Variants in DRG2 observed in about 807,000 individuals in gnomAD.
DRG2 encodes the protein developmentally regulated GTP binding protein 2.
Under a neutral mutation model 53.4 loss-of-function variants are expected in DRG2, and 36 were observed. The ratio of observed to expected loss-of-function variants is 0.67; its 90% CI spans 0.52 to 0.89. DRG2 has a LOEUF of 0.89. Ranked by LOEUF, DRG2 falls within the 40% of genes least tolerant of loss-of-function variation. The pLI is 0.00. For missense variants in DRG2, 342 were observed against 481.2 expected, an observed-to-expected ratio of 0.71 and a Z score of 2.71; for synonymous variants, 167 against 192.1, an observed-to-expected ratio of 0.87 and a Z score of 1.08.
In DRG2 at chr17:18,103,724, C is replaced by A; in HGVS notation, c.807-77C>A. 1.4e-6 allele frequency: 2 copies of A among 1,412,502 alleles called. No homozygotes were observed. Among genetic ancestry groups the A allele is most frequent in the South Asian group, 1.2e-5 (1 of 86,816 alleles). The allele number at this position is 1,412,502 out of a possible 1,614,324, so 87.5% of individuals were successfully genotyped here. On this transcript the variant is annotated intron_variant, in intron 9 of 12. Coordinates refer to ENST00000225729, the MANE Select transcript of DRG2 (RefSeq NM_001388.5). This position sits in a 1 kb window ranked among gnomAD's most constrained non-coding sequence, Gnocchi z 4.4. ...ACCTGGCCAGTGGAGGTTATCCGCTCCAATAGTGAGAAGTGGAGACCCCAG... is the reference window on the plus strand; with the variant it reads ...ACCTGGCCAGTGGAGGTTATCCGCTACAATAGTGAGAAGTGGAGACCCCAG...
intron 2 of DRG2, chr17:18,097,337 G>T (rs1011051820): frequency 2.6e-5 from 4 of 152,258 alleles, no homozygotes; most frequent in Non-Finnish European, 5.9e-5. Context: ...GTCTAAGGGT[G>T]CCTTGGGGAG....
chr17:18,103,891 TGA>T lies in DRG2; in HGVS notation c.895+4_895+5del. The T allele has an allele frequency of 6.2e-7, 1 of 1,613,728 alleles. No individual in the cohort carries two copies. Among genetic ancestry groups the T allele is most frequent in the Non-Finnish European group, 8.5e-7 (1 of 1,179,736 alleles). ...GCATCTACACCAAGAAGAGAGGACGTGAGTTGCACTGCGCGTAGCTGAAAAAC... is the reference window on the plus strand; with the variant it reads ...GCATCTACACCAAGAAGAGAGGACGTGTTGCACTGCGCGTAGCTGAAAAAC... On this transcript the variant is annotated splice_donor_region_variant and intron_variant, in intron 10 of 12. Coordinates refer to ENST00000225729, the MANE Select transcript of DRG2 (RefSeq NM_001388.5). The surrounding 1 kb of genome is among the most constrained non-coding windows in gnomAD (Gnocchi z 4.4).
Position 18,100,340 on chromosome 17 carries a change from G to T in DRG2, c.468-23G>T. 1 of 1,613,682 alleles carries T rather than the reference G, an allele frequency of 6.2e-7. No homozygotes were observed. Among genetic ancestry groups the T allele is most frequent in the Non-Finnish European group, 8.5e-7 (1 of 1,179,706 alleles). On this transcript the variant is annotated intron_variant, in intron 5 of 12. Transcript: ENST00000225729. This position sits in a 1 kb window ranked among gnomAD's most constrained non-coding sequence, Gnocchi z 4.1. ...CTGGCTCTGTGGACAGCCTGTGAGG[G>T]GCTTAAGGGGTACTCTTCCTAGGTC... is the stretch of plus-strand genomic sequence containing the variant.
At chr17:18,104,946 G>A (rs2045602265) in intron 11 of DRG2, among the ~76,000 whole-genome samples, 1 of 152,350 alleles carries the variant, frequency 6.6e-6, no homozygotes, top group South Asian at 2.1e-4. Flanking sequence ...GAGGTCCAGT[G>A]TGTAGGGCAC....
At chr17:18,096,685 A>G (rs905903426) in intron 2 of DRG2, 1 of 152,112 alleles carries the variant, frequency 6.6e-6, no homozygotes, top group African/African-American at 2.4e-5. Context: ...TTACAGAATC[A>G]CTCTGGCTGT....
At chr17:18,088,621 C>A (rs2045259349) in intron 1 of DRG2, among the ~76,000 whole-genome samples, 1 of 152,242 alleles carries the variant, frequency 6.6e-6, no homozygotes, top group Non-Finnish European at 1.5e-5. Context: ...GTGTCCTCAT[C>A]TGTAAATGGG....
intron 2 of DRG2, 92 bp downstream of exon 2, chr17:18,094,065 C>T (rs965133596): frequency 2.7e-5 from 41 of 1,512,432 alleles, no homozygotes; most frequent in Non-Finnish European, 3.6e-5. Flanking sequence ...TGCCTTTCTG[C>T]TTAGCTCCAG....
At position 18,104,696 on chromosome 17, in the gene DRG2, C is replaced by T. The variant is rs369062895; in HGVS notation, c.954+15C>T. The T allele has an allele frequency of 2.2e-5, 36 of 1,613,744 alleles. No individual in the cohort carries two copies. Among genetic ancestry groups the T allele is most frequent in the Non-Finnish European group, 2.8e-5 (33 of 1,180,016 alleles). On this transcript the variant is annotated intron_variant, in intron 11 of 12. Coordinates refer to ENST00000225729, the MANE Select transcript of DRG2 (RefSeq NM_001388.5). ...TGGAGCACGTGGTGAGTTGACAAGACCTGCCGTGACAAGGGGTGGGAGCTC... is the reference window on the plus strand; with the variant it reads ...TGGAGCACGTGGTGAGTTGACAAGATCTGCCGTGACAAGGGGTGGGAGCTC...
chr17:18,106,555 A>C, intron 12 of DRG2, 69 bp downstream of exon 12: 2 of 1,547,738 alleles, frequency 1.3e-6, no homozygotes, highest in East Asian at 4.5e-5. Flanking sequence ...GCATGAAGCA[A>C]GGCATTCACA....
chr17:18,102,907 T>A (rs1357214431), intron 9 of DRG2, among the ~76,000 whole-genome samples: 1 of 152,176 alleles, frequency 6.6e-6, no homozygotes. Flanking sequence ...ATTCAGGTGC[T>A]CCACTTTGCT....
chr17:18,107,041 C>G, intron 12 of DRG2, 113 bp from the exon 13 acceptor site: 1 of 947,090 alleles, frequency 1.1e-6, no homozygotes, highest in Non-Finnish European at 1.6e-6. Context: ...TGCCTGAGGC[C>G]CCCACCTTAT....
chr17:18,103,765 G>A lies in DRG2; in HGVS notation c.807-36G>A. ...GAGACCCCAGCCTCTGAATTCACAG[G>A]GGCCCCTGCCTGACTGGCCGCCTCC... is the stretch of plus-strand genomic sequence containing the variant. On this transcript the variant is annotated intron_variant, in intron 9 of 12. Transcript: ENST00000225729. This position sits in a 1 kb window ranked among gnomAD's most constrained non-coding sequence, Gnocchi z 4.4. 6.2e-7 allele frequency: 1 copy of A among 1,604,536 alleles called. No individual in the cohort carries two copies. Among genetic ancestry groups the A allele is most frequent in the South Asian group, 1.1e-5 (1 of 90,898 alleles).
At chr17:18,091,134 C>G (rs529292312) in intron 1 of DRG2, among the ~76,000 whole-genome samples, 2 of 152,270 alleles carry the variant, frequency 1.3e-5, no homozygotes, top group African/African-American at 4.8e-5. Flanking sequence ...TTTTCAGAGT[C>G]GAGAAGACAG....
intron 1 of DRG2, among the ~76,000 whole-genome samples, chr17:18,090,127 T>C (rs1045029079): frequency 2.7e-5 from 4 of 149,528 alleles, no homozygotes; most frequent in African/African-American, 9.9e-5. Context: ...TCAGAGATGC[T>C]CAGAATTTTA....
At chr17:18,092,269 G>T (rs1359629366) in intron 1 of DRG2, among the ~76,000 whole-genome samples, 3 of 152,174 alleles carry the variant, frequency 2.0e-5, no homozygotes, top group African/African-American at 7.2e-5. Flanking sequence ...TTCAAGACCA[G>T]CCTGGGTAAC....
intron 8 of DRG2, 49 bp from the exon 9 acceptor site, chr17:18,101,872 G>T: frequency 6.4e-7 from 1 of 1,573,892 alleles, no homozygotes; most frequent in Non-Finnish European, 8.7e-7. Context: ...CCCTTTCCTG[G>T]ATGCCTTGCT....
In DRG2 at chr17:18,100,086, CAGA is replaced by C. The variant is rs2045502568; in HGVS notation, c.468-274_468-272del. 1.7e-6 allele frequency: 1 copy of C among 580,222 alleles called. No individual in the cohort carries two copies. Among genetic ancestry groups the C allele is most frequent in the Non-Finnish European group, 3.1e-6 (1 of 325,150 alleles). The allele number at this position is 580,222 out of a possible 1,614,324, so 35.9% of individuals were successfully genotyped here. On this transcript the variant is annotated intron_variant, in intron 5 of 12. Coordinates refer to ENST00000225729, the MANE Select transcript of DRG2 (RefSeq NM_001388.5). This position sits in a 1 kb window ranked among gnomAD's most constrained non-coding sequence, Gnocchi z 4.1. ...TACACCAGGCCTGCCTCCTCGGGAC[CAGA>C]AGGAGTACCCTCATGTGGTCACCTC...
chr17:18,101,293 T>G (rs1468777054), intron 7 of DRG2, among the ~76,000 whole-genome samples, 200 bp from the exon 8 acceptor site: 2 of 152,178 alleles, frequency 1.3e-5, no homozygotes. Context: ...CTGTGTTGAT[T>G]GAAACTTTTA....
rs1487566648 is a variant in DRG2 at position 18,098,192 on chromosome 17, C to T, written c.226-78C>T. The T allele has an allele frequency of 1.6e-6, 2 of 1,236,852 alleles. No individual in the cohort carries two copies. Among genetic ancestry groups the T allele is most frequent in the Non-Finnish European group, 2.4e-6 (2 of 848,418 alleles). 76.6% of individuals were successfully genotyped at this position (1,236,852 alleles called of 1,614,324 possible). ...GGTCTCCTCCTGCTGCCTGCACCTG[C>T]AGGCCCCCAGCCCCTGGGGCCTCTC... On this transcript the variant is annotated intron_variant, in intron 2 of 12. Coordinates refer to ENST00000225729, the MANE Select transcript of DRG2 (RefSeq NM_001388.5). This position sits in a 1 kb window ranked among gnomAD's most constrained non-coding sequence, Gnocchi z 4.1.
Sources: allele counts gnomAD v4.1 joint callset (sites outside exome capture counted in the v4.1 genomes callset), GRCh38; gene constraint gnomAD v4.1.1; non-coding constraint Gnocchi (gnomAD v3.1); transcripts MANE v1.5; gene names NCBI Gene and HGNC (gene_info 2026-07-23, HGNC 2026-07-21).